The following RCBTB2 variants were observed in gnomAD, a reference collection of about 807,000 sequenced individuals.
RCBTB2 encodes the protein RCC1 and BTB domain-containing protein 2.
RCBTB2 carries 55 observed loss-of-function variants against 65.4 expected under a neutral mutation model. The observed-to-expected ratio is 0.84, with a 90% CI of 0.68 to 1.05. The LOEUF (loss-of-function observed/expected upper bound fraction) is 1.05. Ranked by LOEUF, RCBTB2 falls within the 50% of genes least tolerant of loss-of-function variation. The probability of loss-of-function intolerance (pLI) is 0.00; values close to 1 mark genes in which losing one functional copy is unlikely to be tolerated. For synonymous variants in RCBTB2, 220 were observed against 255.2 expected (o/e 0.86, Z 1.31); for missense variants, 599 against 680.1 (o/e 0.88, Z 1.33).
In RCBTB2 at chr13:48,512,011, C is replaced by T. The variant is rs1950826050; in HGVS notation, c.675+5G>A. 6.2e-7 allele frequency: 1 copy of T among 1,612,798 alleles called. No homozygotes were observed. The highest frequency in any genetic ancestry group is 8.5e-7 in the Non-Finnish European group (1 of 1,178,884). ...TTTAAACAAGATGTAAAATAACTTC[C>T]TTACCTCCCCCGTGTCTACTACTGC... On this transcript the variant is annotated splice_donor_5th_base_variant and intron_variant, in intron 8 of 14. Coordinates refer to ENST00000344532, the MANE Select transcript of RCBTB2 (RefSeq NM_001268.4).
Position 48,490,015 on chromosome 13 carries a change from T to TAG in RCBTB2, c.*94_*95dup. 1 of 1,351,884 alleles carries TAG rather than the reference T, an allele frequency of 7.4e-7. No individual in the cohort carries two copies. 83.7% of individuals were successfully genotyped at this position (1,351,884 alleles called of 1,614,324 possible). ...ACAGTTACAAGTACTCAGCCAAACA[T>TAG]AGCTCATCATACATACTATTAATTA... On this transcript the variant is annotated 3_prime_UTR_variant, in exon 15 of 15. Coordinates refer to ENST00000344532, the MANE Select transcript of RCBTB2 (RefSeq NM_001268.4).
At chr13:48,529,627 T>A (rs896490927) in intron 1 of RCBTB2, among the ~76,000 whole-genome samples, 2 of 152,228 alleles carry the variant, frequency 1.3e-5, no homozygotes, top group Admixed American at 6.5e-5. Flanking sequence ...CTGGAAACTT[T>A]CACGTTGTTA....
At chr13:48,527,396 T>TATGA (rs71076027) in intron 1 of RCBTB2, among the ~76,000 whole-genome samples, 4 of 137,848 alleles carry the variant, frequency 2.9e-5, no homozygotes, top group Admixed American at 1.4e-4. Context: ...TATATTTATA[T>TATGA]TAAAAGGTGC....
chr13:48,504,388 A>G (rs1950387614), intron 10 of RCBTB2: 1 of 946,870 alleles, frequency 1.1e-6, no homozygotes, highest in South Asian at 4.9e-5. Context: ...TTGTCCACAC[A>G]CCCTGTTTCA....
chr13:48,515,830 G>T, intron 4 of RCBTB2, 89 bp from the exon 5 acceptor site: 1 of 1,295,540 alleles, frequency 7.7e-7, no homozygotes, highest in Non-Finnish European at 1.1e-6. Context: ...GCGAACACTG[G>T]TTTTGGGAGG....
chr13:48,499,142 A>ACACACACACACACACTCT (rs1366425462), intron 13 of RCBTB2, among the ~76,000 whole-genome samples: 5 of 132,286 alleles, frequency 3.8e-5, no homozygotes, highest in African/African-American at 1.2e-4. Context: ...ACACACACAC[A>ACACACACACACACACTCT]CTCTCTCTCT....
At chr13:48,523,232 C>T (rs756453961) in intron 2 of RCBTB2, among the ~76,000 whole-genome samples, 19 of 152,216 alleles carry the variant, frequency 1.2e-4, no homozygotes, top group Non-Finnish European at 2.5e-4. Context: ...CTAATTTTCT[C>T]TAAGACCCAG....
chr13:48,506,126 A>T (rs566240234), intron 10 of RCBTB2, among the ~76,000 whole-genome samples: 7 of 152,246 alleles, frequency 4.6e-5, no homozygotes, highest in African/African-American at 1.7e-4. Flanking sequence ...GAGCCGTGGA[A>T]TAAGAGTCTG....
intron 6 of RCBTB2, among the ~76,000 whole-genome samples, 169 bp from the exon 7 acceptor site, chr13:48,513,064 T>C (rs1479993957): frequency 2.0e-5 from 3 of 152,220 alleles, no homozygotes; most frequent in African/African-American, 7.2e-5. Flanking sequence ...TTGGAAAGTA[T>C]AAACTGCATT....
chr13:48,501,889 C>T, intron 11 of RCBTB2, 21 bp from the exon 12 acceptor site: 1 of 1,611,068 alleles, frequency 6.2e-7, no homozygotes, highest in African/African-American at 1.3e-5. Flanking sequence ...AATGCAAATG[C>T]TTCCAGAGTT....
At chr13:48,514,463 C>T (rs1373960736) in intron 6 of RCBTB2, among the ~76,000 whole-genome samples, 1 of 152,208 alleles carries the variant, frequency 6.6e-6, no homozygotes, top group Non-Finnish European at 1.5e-5. Flanking sequence ...AAAGTAAAAC[C>T]AAGGATAACG....
chr13:48,489,079 A>C lies in RCBTB2; in HGVS notation c.*1032T>G, dbSNP rs1037880117. 6 of 152,250 alleles carry C rather than the reference A, an allele frequency of 3.9e-5. No individual in the cohort carries two copies. The highest frequency in any genetic ancestry group is 1.4e-4 in the African/African-American group (6 of 41,468). 9.4% of individuals were successfully genotyped at this position (152,250 alleles called of 1,614,324 possible). A position where few individuals can be genotyped will look rare whatever the true frequency, so the allele number is the denominator to read the frequency against. On this transcript the variant is annotated 3_prime_UTR_variant, in exon 15 of 15. Coordinates refer to ENST00000344532, the MANE Select transcript of RCBTB2 (RefSeq NM_001268.4). ...GACATTGTGAGATACACATTAGAAG[A>C]ATCTGAGACTATGTTCCATTTCAGT...
intron 14 of RCBTB2, chr13:48,491,556 A>G (rs962657412): frequency 1.3e-5 from 2 of 152,200 alleles, no homozygotes; most frequent in Non-Finnish European, 2.9e-5. Context: ...ATTTTTAGAA[A>G]TGACATTTTT....
intron 10 of RCBTB2, among the ~76,000 whole-genome samples, chr13:48,509,313 A>G (rs963349560): frequency 6.6e-6 from 1 of 152,206 alleles, no homozygotes; most frequent in Non-Finnish European, 1.5e-5. Flanking sequence ...GAAGACAGGG[A>G]GACTGTGTCT....
At chr13:48,533,182 GA>G (rs1334366879), upstream of RCBTB2, 1 of 367,922 alleles carries the variant, frequency 2.7e-6, no homozygotes, top group East Asian at 9.2e-5. Flanking sequence ...GAAACGAAGG[GA>G]GCGCAGACAA....
chr13:48,506,489 G>C (rs1042669755), intron 10 of RCBTB2, among the ~76,000 whole-genome samples: 1 of 152,204 alleles, frequency 6.6e-6, no homozygotes, highest in African/African-American at 2.4e-5. Context: ...GGTTGCCAAG[G>C]AGTAATGAGG....
intron 14 of RCBTB2, among the ~76,000 whole-genome samples, chr13:48,492,161 C>T (rs1427506819): frequency 6.6e-6 from 1 of 152,146 alleles, no homozygotes; most frequent in African/African-American, 2.4e-5. Flanking sequence ...TCACTGAGAA[C>T]CAGAATCACT....
intron 1 of RCBTB2, among the ~76,000 whole-genome samples, chr13:48,525,956 G>A (rs1951707532): frequency 6.6e-6 from 1 of 152,026 alleles, no homozygotes; most frequent in African/African-American, 2.4e-5. Flanking sequence ...TTTTTTCGTG[G>A]GGAAGTTTTG....
At chr13:48,527,369 G>GATAT (rs71186310) in intron 1 of RCBTB2, among the ~76,000 whole-genome samples, 14 of 99,846 alleles carry the variant, frequency 1.4e-4, no homozygotes, top group East Asian at 4.8e-4. Context: ...ATTTATATAT[G>GATAT]ATATATATAT....
Sources: allele counts gnomAD v4.1 joint callset (sites outside exome capture counted in the v4.1 genomes callset), GRCh38; gene constraint gnomAD v4.1.1; transcripts MANE v1.5; gene names NCBI Gene and HGNC (gene_info 2026-07-23, HGNC 2026-07-21).